Variants in FANCC observed in about 807,000 individuals in gnomAD.
FANCC encodes the protein Fanconi anemia group C protein.
Under a neutral mutation model 71.3 loss-of-function variants are expected in FANCC, and 55 were observed. The observed-to-expected ratio is 0.77, with a 90% confidence interval of 0.62 to 0.97. The LOEUF (loss-of-function observed/expected upper bound fraction) is 0.97. Among genes scored for constraint, FANCC ranks in the 50% least tolerant of loss-of-function variants. The pLI is 0.00. For missense variants in FANCC, 678 were observed against 670.9 expected (o/e 1.01, Z -0.12); for synonymous variants, 275 against 244.9 (o/e 1.12, Z -1.15).
chr9:95,246,946 G>A (rs1012554339), intron 3 of FANCC, among the ~76,000 whole-genome samples: 4 of 152,124 alleles, frequency 2.6e-5, no homozygotes, highest in Admixed American at 2.6e-4. Flanking sequence ...CCTTAAATAA[G>A]GTCAAAGCAG....
intron 8 of FANCC, chr9:95,127,211 T>G (rs1292212941): frequency 6.5e-6 from 1 of 152,948 alleles, no homozygotes; most frequent in Non-Finnish European, 1.5e-5. Flanking sequence ...CTGCAGAAGC[T>G]GGCCTCCGGT....
chr9:95,294,465 CT>C, intron 1 of FANCC: 1 of 1,600,464 alleles, frequency 6.2e-7, no homozygotes, highest in Non-Finnish European at 8.6e-7. Context: ...CAGACTTAAA[CT>C]TTTTCTTAGA....
At chr9:95,197,191 G>C (rs1162599410) in intron 4 of FANCC, among the ~76,000 whole-genome samples, 1 of 152,038 alleles carries the variant, frequency 6.6e-6, no homozygotes, top group African/African-American at 2.4e-5. Flanking sequence ...GGAGTTTTCT[G>C]ACCCTTTGAA....
At chr9:95,132,820 G>T (rs533503324) in intron 8 of FANCC, among the ~76,000 whole-genome samples, 1 of 152,300 alleles carries the variant, frequency 6.6e-6, no homozygotes, top group African/African-American at 2.4e-5. Flanking sequence ...ATTTCACTTT[G>T]TACAACCTGT....
chr9:95,154,438 A>G (rs1830347345), intron 6 of FANCC, among the ~76,000 whole-genome samples: 1 of 152,090 alleles, frequency 6.6e-6, no homozygotes, highest in African/African-American at 2.4e-5. Flanking sequence ...TAAAAGGTAG[A>G]TTCAATCTTG....
Position 95,230,682 on chromosome 9 carries a change from A to G in FANCC, c.345+9967T>C, listed in dbSNP as rs1011194883. Reference sequence around the variant, plus strand: ...GCTCATAAAGGTAGTGCGGACCCAAAGAGTGAGCAGCAGCAAGACTTATTG... The same window carrying G: ...GCTCATAAAGGTAGTGCGGACCCAAGGAGTGAGCAGCAGCAAGACTTATTG... On this transcript the variant is annotated intron_variant, in intron 4 of 14. Transcript: ENST00000289081. 2.0e-5 allele frequency among the ~76,000 whole-genome samples: 3 copies of G among 152,142 alleles called. No homozygotes were observed. In the East Asian group the frequency reaches 5.8e-4, roughly 29 times the overall value.
At chr9:95,180,641 CTT>C (rs999685824) in intron 4 of FANCC, among the ~76,000 whole-genome samples, 2 of 144,384 alleles carry the variant, frequency 1.4e-5, no homozygotes, top group African/African-American at 2.5e-5. Context: ...ATCTGGCCAA[CTT>C]TTTTTTTTTT....
At chr9:95,314,129 A>G (rs72752351) in intron 1 of FANCC, among the ~76,000 whole-genome samples, 592 of 152,396 alleles carry the variant, frequency 3.9e-3, no homozygotes, top group Non-Finnish European at 7.4e-3. Context: ...ATCCACATGG[A>G]AAGAAAAGTA....
At chr9:95,247,635 T>C (rs921894440) in intron 2 of FANCC, 119 bp from the exon 3 acceptor site, 7 of 729,932 alleles carry the variant, frequency 9.6e-6, no homozygotes, top group African/African-American at 7.0e-5. Flanking sequence ...TTTTTAAAAG[T>C]AAGCACAAAA....
intron 6 of FANCC, among the ~76,000 whole-genome samples, chr9:95,165,689 T>C (rs1831024460): frequency 6.6e-6 from 1 of 152,074 alleles, no homozygotes; most frequent in Non-Finnish European, 1.5e-5. Flanking sequence ...ACTTGTTCTG[T>C]GGCCTAACAT....
At chr9:95,150,167 A>C in intron 6 of FANCC, 80 bp from the exon 7 acceptor site, 2 of 1,489,084 alleles carry the variant, frequency 1.3e-6, no homozygotes, top group Non-Finnish European at 1.9e-6. Context: ...TCATGCTAAA[A>C]AGGTCAAAGA....
chr9:95,304,027 AG>A (rs1387715033), intron 1 of FANCC, among the ~76,000 whole-genome samples: 2 of 152,242 alleles, frequency 1.3e-5, no homozygotes, highest in African/African-American at 4.8e-5. Flanking sequence ...GTAAAAACAC[AG>A]GAAGGTAGAA....
chr9:95,110,344 A>G (rs2071816728), intron 13 of FANCC: 2 of 1,018,868 alleles, frequency 2.0e-6, no homozygotes, highest in Non-Finnish European at 2.4e-6. Flanking sequence ...AGAATCAAAT[A>G]AGACAGAATA....
chr9:95,304,933 G>A (rs1393451452), intron 1 of FANCC, among the ~76,000 whole-genome samples: 1 of 152,114 alleles, frequency 6.6e-6, no homozygotes, highest in Non-Finnish European at 1.5e-5. Context: ...TATGGTACTT[G>A]ACAATGCTTG....
rs889860457 is a variant in FANCC at position 95,310,500 on chromosome 9, C to G, written c.-79+7026G>C. Reference sequence around the variant, plus strand: ...GATAGCAAAACAGCTTTAGCCATTACAGAAGTCACATCACATCCATACCAC... The same window carrying G: ...GATAGCAAAACAGCTTTAGCCATTAGAGAAGTCACATCACATCCATACCAC... On this transcript the variant is annotated intron_variant, in intron 1 of 14. Transcript: ENST00000289081. Among the ~76,000 whole-genome samples, 3 of 152,196 alleles carry G rather than the reference C, an allele frequency of 2.0e-5. 1 individual carries two copies. Among genetic ancestry groups the G allele is most frequent in the Admixed American group, 1.3e-4 (2 of 15,280 alleles).
At chr9:95,113,613 T>C (rs537066178) in intron 12 of FANCC, 1 of 149,464 alleles carries the variant, frequency 6.7e-6, no homozygotes, top group African/African-American at 2.5e-5. Context: ...GCAAGACCTC[T>C]ACAAAAAAAA....
intron 1 of FANCC, among the ~76,000 whole-genome samples, chr9:95,256,860 GA>G (rs919126405): frequency 5.5e-5 from 8 of 145,484 alleles, no homozygotes; most frequent in East Asian, 2.0e-4. Context: ...CAAATGGAAA[GA>G]AAAAAAAAAG....
rs561633017 is a variant in FANCC at position 95,211,222 on chromosome 9, CAGG to C, written c.345+29424_345+29426del. ...TTCTGCCTGGGTGCACTTTCTGAATCAGGGCTGGAGAGCCATCGTGAGCAGAGC... is the reference window on the plus strand; with the variant it reads ...TTCTGCCTGGGTGCACTTTCTGAATCGCTGGAGAGCCATCGTGAGCAGAGC... On this transcript the variant is annotated intron_variant, in intron 4 of 14. Coordinates refer to ENST00000289081, the MANE Select transcript of FANCC (RefSeq NM_000136.3). Among the ~76,000 whole-genome samples, 87 of 152,216 alleles carry C rather than the reference CAGG, an allele frequency of 5.7e-4. 2 individuals are homozygous for C. Among genetic ancestry groups the C allele is most frequent in the Non-Finnish European group, 2.9e-4 (20 of 68,036 alleles).
intron 8 of FANCC, chr9:95,127,520 C>G (rs973696080): frequency 2.6e-5 from 4 of 152,286 alleles, no homozygotes; most frequent in African/African-American, 7.2e-5. Context: ...CCGTGGGAAG[C>G]GAAGCGCGGG....
Sources: allele counts gnomAD v4.1 joint callset (sites outside exome capture counted in the v4.1 genomes callset), GRCh38; gene constraint gnomAD v4.1.1; transcripts MANE v1.5; gene names NCBI Gene and HGNC (gene_info 2026-07-23, HGNC 2026-07-21).